Variants in CACNA1A observed in about 807,000 individuals in gnomAD.
CACNA1A encodes voltage-dependent P/Q-type calcium channel subunit alpha-1A.
A neutral mutation model predicts 262.4 loss-of-function variants in CACNA1A; 57 were observed. The observed-to-expected ratio is 0.22, with a 90% CI of 0.18 to 0.27. CACNA1A has a LOEUF of 0.27. Among genes scored for constraint, CACNA1A ranks in the 10% least tolerant of loss-of-function variants. CACNA1A has a pLI of 1.00. For missense variants in CACNA1A, 2,526 were observed against 3,562.8 expected (o/e 0.71, Z 7.41); for synonymous variants, 1,431 against 1,419.3 (o/e 1.01, Z -0.18).
intron 30 of CACNA1A, 54 bp downstream of exon 30, chr19:13,252,937 T>C (rs1196427598): frequency 8.3e-7 from 1 of 1,211,690 alleles, no homozygotes; most frequent in Non-Finnish European, 1.2e-6. Context: ...GGACCCATTG[T>C]TCCCCCTTGG....
chr19:13,480,060 TC>T (rs1005073233), intron 1 of CACNA1A, among the ~76,000 whole-genome samples: 8 of 152,356 alleles, frequency 5.3e-5, no homozygotes, highest in African/African-American at 1.7e-4. Context: ...CATTTTCTGA[TC>T]CCCGTACTAT....
At chr19:13,398,263 A>C (rs1026830438) in intron 3 of CACNA1A, among the ~76,000 whole-genome samples, 14 of 151,540 alleles carry the variant, frequency 9.2e-5, no homozygotes, top group African/African-American at 3.4e-4. Context: ...ACTCCGTCGC[A>C]AAAGAAAAAA....
rs553593242 is a variant in CACNA1A at position 13,241,463 on chromosome 19, G to A, written c.4950+3719C>T. The stretch of plus-strand genomic sequence containing the variant: ...GGTGTGGCATGCAATGCCGACGCGA[G>A]GAGATGCGTTCACAGTTAATGTAAG... On this transcript the variant is annotated intron_variant, in intron 31 of 46. Transcript: ENST00000360228. This position sits in a 1 kb window ranked among gnomAD's most constrained non-coding sequence, Gnocchi z 4.0. 7 of 1,278,288 alleles carry A rather than the reference G, an allele frequency of 5.5e-6. No homozygotes were observed. Among genetic ancestry groups the A allele is most frequent in the Non-Finnish European group, 7.7e-6 (7 of 911,534 alleles). The allele number at this position is 1,278,288 out of a possible 1,614,324, so 79.2% of individuals were successfully genotyped here. A position where few individuals can be genotyped will look rare whatever the true frequency, so the allele number is the denominator to read the frequency against.
intron 19 of CACNA1A, among the ~76,000 whole-genome samples, chr19:13,288,116 C>T (rs1456081563): frequency 1.3e-5 from 2 of 152,062 alleles, no homozygotes; most frequent in Admixed American, 6.6e-5. Context: ...TTTTAACTTT[C>T]TTATTCTTAG....
At chr19:13,409,021 G>C (rs1186694262) in intron 3 of CACNA1A, among the ~76,000 whole-genome samples, 1 of 152,160 alleles carries the variant, frequency 6.6e-6, no homozygotes, top group East Asian at 1.9e-4. Context: ...ACATAGCCTG[G>C]CTCGTGGGGG....
chr19:13,373,234 T>C (rs2059354108), intron 3 of CACNA1A, among the ~76,000 whole-genome samples: 1 of 152,242 alleles, frequency 6.6e-6, no homozygotes, highest in Admixed American at 6.5e-5. Context: ...CATAGCTCGC[T>C]ACAGCATTGA....
chr19:13,330,871 G>C (rs948921128), intron 9 of CACNA1A, among the ~76,000 whole-genome samples: 1 of 152,150 alleles, frequency 6.6e-6, no homozygotes, highest in African/African-American at 2.4e-5. Context: ...TTACAGGCGT[G>C]AGCCGCCCCA....
In CACNA1A at chr19:13,456,250, T is replaced by C. The variant is rs552395033; in HGVS notation, c.294-1038A>G. On this transcript the variant is annotated intron_variant, in intron 1 of 46. Coordinates refer to ENST00000360228, the MANE Select transcript of CACNA1A (RefSeq NM_001127222.2). ...TGATCCACAGAAGAAAAAACAGATATGCTGGGCTTTATCAAAATTTAAACC... is the reference window on the plus strand; with the variant it reads ...TGATCCACAGAAGAAAAAACAGATACGCTGGGCTTTATCAAAATTTAAACC... 1.6e-4 allele frequency among the ~76,000 whole-genome samples: 25 copies of C among 152,300 alleles called. No individual in the cohort carries two copies. The South Asian group carries it at 1.9e-3, about 11-fold the overall frequency.
chr19:13,363,585 G>C (rs939175303), intron 5 of CACNA1A: 12 of 152,042 alleles, frequency 7.9e-5, no homozygotes, highest in African/African-American at 2.9e-4. Context: ...CCCTCCCCGT[G>C]GGGAGGAGTG....
chr19:13,234,692 A>G, intron 34 of CACNA1A: 1 of 529,470 alleles, frequency 1.9e-6, no homozygotes, highest in Non-Finnish European at 3.4e-6. Context: ...GAAAAGGAGG[A>G]GGAGGGCACG....
intron 19 of CACNA1A, among the ~76,000 whole-genome samples, chr19:13,292,650 A>G (rs2057569470): frequency 6.6e-6 from 1 of 152,174 alleles, no homozygotes; most frequent in African/African-American, 2.4e-5. Context: ...TGGAGAATGA[A>G]AAACACAGGG....
At chr19:13,284,169 TG>T (rs374938437) in intron 21 of CACNA1A, 10 of 152,328 alleles carry the variant, frequency 6.6e-5, no homozygotes, top group African/African-American at 2.4e-4. Context: ...CTTGGGCAGG[TG>T]AATTCACGTC....
intron 1 of CACNA1A, among the ~76,000 whole-genome samples, chr19:13,480,447 T>A (rs1206370496): frequency 6.6e-6 from 1 of 152,218 alleles, no homozygotes; most frequent in Non-Finnish European, 1.5e-5. Flanking sequence ...ATATAACATA[T>A]AAAATCTGTC....
intron 3 of CACNA1A, among the ~76,000 whole-genome samples, chr19:13,430,031 G>T (rs1478739826): frequency 7.0e-6 from 1 of 142,456 alleles, no homozygotes; most frequent in Non-Finnish European, 1.5e-5. Flanking sequence ...AGAGGGGAAG[G>T]GGGAGCGGGG....
At position 13,348,665 on chromosome 19, in the gene CACNA1A, G is replaced by A. The variant is rs186055312; in HGVS notation, c.978+10941C>T. 7.0e-4 allele frequency among the ~76,000 whole-genome samples: 106 copies of A among 152,252 alleles called. 1 individual carries two copies. In the East Asian group the frequency reaches 0.018, roughly 26 times the overall value. On this transcript the variant is annotated intron_variant, in intron 6 of 46. Transcript: ENST00000360228. ...ATCCTGGCCAACATGGTGAAACCCC[G>A]TCTTTACTAAAATACAAAAAATTAG...
chr19:13,284,999 C>G, intron 21 of CACNA1A, 69 bp downstream of exon 21: 1 of 1,543,968 alleles, frequency 6.5e-7, no homozygotes, highest in Non-Finnish European at 8.9e-7. Flanking sequence ...TGCCCTCTAT[C>G]TGGCCTGACT....
At position 13,491,106 on chromosome 19, in the gene CACNA1A, A is replaced by T. The variant is rs536522758; in HGVS notation, c.293+14826T>A. Among the ~76,000 whole-genome samples, 3 of 152,296 alleles carry T rather than the reference A, an allele frequency of 2.0e-5. No individual in the cohort carries two copies. The South Asian group carries it at 6.2e-4, about 32-fold the overall frequency. ...ACATCTCTTGCCCACTCGCACACCA[A>T]CCTCTCTGGAATGCAAATGGTTTCC... is the stretch of plus-strand genomic sequence containing the variant. On this transcript the variant is annotated intron_variant, in intron 1 of 46. Coordinates refer to ENST00000360228, the MANE Select transcript of CACNA1A (RefSeq NM_001127222.2).
At chr19:13,280,342 ATTAAAAAAAAAAAAATTTTTTTTTTT>A (rs957754793) in intron 22 of CACNA1A, among the ~76,000 whole-genome samples, 2 of 150,148 alleles carry the variant, frequency 1.3e-5, no homozygotes, top group Admixed American at 6.7e-5. Flanking sequence ...CGCTCGGTTA[ATTAAAAAAAAAAAAATTTTTTTTTTT>A]TTTGGTAGAG....
chr19:13,308,789 A>T lies in CACNA1A; in HGVS notation c.1669-261T>A, dbSNP rs997721797. ...CCTCCTGGGCTTAAGTGATCCTCCC[A>T]CCTCAGCCTCTTGAGTAGCTGGGAT... is the stretch of plus-strand genomic sequence containing the variant. On this transcript the variant is annotated intron_variant, in intron 12 of 46. Coordinates refer to ENST00000360228, the MANE Select transcript of CACNA1A (RefSeq NM_001127222.2). The surrounding 1 kb of genome is among the most constrained non-coding windows in gnomAD (Gnocchi z 4.2). 8 of 293,138 alleles carry T rather than the reference A, an allele frequency of 2.7e-5. No individual in the cohort carries two copies. The highest frequency in any genetic ancestry group is 5.0e-5 in the Non-Finnish European group (8 of 158,626). 18.2% of individuals were successfully genotyped at this position (293,138 alleles called of 1,614,324 possible).
Sources: gnomAD v4.1 joint callset for allele counts (sites outside exome capture counted in the v4.1 genomes callset) on GRCh38, gnomAD v4.1.1 for gene constraint, Gnocchi (gnomAD v3.1) non-coding constraint, MANE v1.5 for transcripts, NCBI Gene and HGNC (gene_info 2026-07-23, HGNC 2026-07-21) for gene names.